CACNB4: variants seen among roughly 807,000 people sequenced by gnomAD.
The protein encoded by CACNB4 is voltage-dependent L-type calcium channel subunit beta-4.
A neutral mutation model predicts 71.2 loss-of-function variants in CACNB4; 32 were observed. That is an observed-to-expected ratio of 0.45 (90% CI 0.34 to 0.60). The LOEUF (loss-of-function observed/expected upper bound fraction) is 0.60, where lower values mean the gene tolerates loss of function less well. Ranked by LOEUF, CACNB4 falls within the 20% of genes least tolerant of loss-of-function variation. The pLI, the probability that CACNB4 is intolerant of heterozygous loss-of-function variation, is 0.01. For missense variants in CACNB4, 464 were observed against 647.9 expected (o/e 0.72, Z 3.08); for synonymous variants, 231 against 236.9 (o/e 0.97, Z 0.23).
At chr2:152,008,333 C>T (rs1682851488) in intron 2 of CACNB4, among the ~76,000 whole-genome samples, 1 of 152,086 alleles carries the variant, frequency 6.6e-6, no homozygotes, top group African/African-American at 2.4e-5. Flanking sequence ...GTCGCCCAGG[C>T]TGGAGTGCAG....
At chr2:152,066,908 A>G (rs1244289839) in intron 2 of CACNB4, among the ~76,000 whole-genome samples, 2 of 145,796 alleles carry the variant, frequency 1.4e-5, no homozygotes, top group Non-Finnish European at 3.0e-5. Flanking sequence ...AAAACCAAAC[A>G]CCGCATATTC....
chr2:151,843,178 T>G (rs1378552716), intron 12 of CACNB4, among the ~76,000 whole-genome samples: 1 of 152,216 alleles, frequency 6.6e-6, no homozygotes, highest in Admixed American at 6.5e-5. Context: ...GTGGCCCCCC[T>G]GTCATTGCAG....
chr2:151,928,384 G>A (rs1349745351), intron 2 of CACNB4, among the ~76,000 whole-genome samples: 2 of 152,120 alleles, frequency 1.3e-5, no homozygotes, highest in Non-Finnish European at 2.9e-5. Context: ...AGAACCAAAA[G>A]CAGCCCCATA....
intron 2 of CACNB4, among the ~76,000 whole-genome samples, chr2:152,063,797 C>G (rs569715092): frequency 5.9e-5 from 9 of 152,270 alleles, no homozygotes; most frequent in African/African-American, 2.2e-4. Context: ...AGGCAGCCAC[C>G]CATCAGCTCC....
chr2:151,949,199 C>CA (rs35693217), intron 2 of CACNB4, among the ~76,000 whole-genome samples: 2,572 of 143,464 alleles, frequency 0.018, 60 homozygotes, highest in African/African-American at 0.059. Flanking sequence ...AAATAGGTAA[C>CA]AAAAAAAAAA....
At chr2:152,051,072 T>A (rs993988453) in intron 2 of CACNB4, among the ~76,000 whole-genome samples, 10 of 151,806 alleles carry the variant, frequency 6.6e-5, no homozygotes, top group African/African-American at 2.2e-4. Flanking sequence ...CCAGCCCACA[T>A]CCACTTTTTC....
chr2:152,067,388 T>TGGG (rs56725916), intron 2 of CACNB4, among the ~76,000 whole-genome samples: 91 of 137,118 alleles, frequency 6.6e-4, no homozygotes, highest in African/African-American at 2.5e-3. Context: ...TGTGTGTGTG[T>TGGG]GGGGGGGGGG....
rs576185208 is a variant in CACNB4, at chr2:152,096,705, T to C, written c.147+1625A>G. On this transcript the variant is annotated intron_variant, in intron 2 of 13. Coordinates refer to ENST00000539935, the MANE Select transcript of CACNB4 (RefSeq NM_000726.5). Reference sequence around the variant, plus strand: ...TTTTAACATTTCTTAAGCCAGCACATAGCAGCACGCTTTACAAGAACTTAT... The same window carrying C: ...TTTTAACATTTCTTAAGCCAGCACACAGCAGCACGCTTTACAAGAACTTAT... 3.9e-4 allele frequency among the ~76,000 whole-genome samples: 60 copies of C among 152,334 alleles called. No homozygotes were observed. In the South Asian group the frequency reaches 7.5e-3, roughly 19 times the overall value.
chr2:152,039,254 TA>T (rs966877204), intron 2 of CACNB4, among the ~76,000 whole-genome samples: 20 of 151,858 alleles, frequency 1.3e-4, no homozygotes, highest in Admixed American at 1.1e-3. Context: ...CCATCTCTAC[TA>T]AAAATACAAA....
chr2:151,908,155 AGGAG>A (rs2151526068), intron 2 of CACNB4, among the ~76,000 whole-genome samples: 1 of 152,350 alleles, frequency 6.6e-6, no homozygotes, highest in Non-Finnish European at 1.5e-5. Flanking sequence ...CAAAGACGCC[AGGAG>A]GGAGTCTGAT....
intron 2 of CACNB4, among the ~76,000 whole-genome samples, chr2:151,938,920 T>G (rs2099863574): frequency 1.3e-5 from 2 of 152,196 alleles, no homozygotes; most frequent in African/African-American, 4.8e-5. Flanking sequence ...ATCAGGAAAT[T>G]TAAGTTCTAT....
chr2:151,940,809 G>A (rs1454433361), intron 2 of CACNB4, among the ~76,000 whole-genome samples: 1 of 152,188 alleles, frequency 6.6e-6, no homozygotes, highest in Non-Finnish European at 1.5e-5. Flanking sequence ...AGAGATGCAT[G>A]AATATATTGT....
At chr2:151,886,455 T>C (rs142950628) in intron 2 of CACNB4, among the ~76,000 whole-genome samples, 5 of 152,330 alleles carry the variant, frequency 3.3e-5, no homozygotes, top group African/African-American at 9.6e-5. Context: ...GATTCAATTA[T>C]CTCTGAGTAC....
chr2:152,029,954 G>T (rs1684190105), intron 2 of CACNB4, among the ~76,000 whole-genome samples: 1 of 152,180 alleles, frequency 6.6e-6, no homozygotes, highest in Non-Finnish European at 1.5e-5. Flanking sequence ...ACAGTATTTT[G>T]TTGTGGCATC....
intron 8 of CACNB4, 173 bp downstream of exon 8, chr2:151,870,358 A>G (rs2099844297): frequency 1.4e-6 from 1 of 707,492 alleles, no homozygotes; most frequent in Non-Finnish European, 2.6e-6. Context: ...GCAAGAGAGG[A>G]AAGAAAGGGC....
At chr2:151,950,012 C>A (rs2099866530) in intron 2 of CACNB4, among the ~76,000 whole-genome samples, 1 of 151,820 alleles carries the variant, frequency 6.6e-6, no homozygotes, top group African/African-American at 2.4e-5. Context: ...GGCATTCCAG[C>A]CTGGGCAACA....
rs138938706 is a variant in CACNB4, at chr2:151,942,203, T to C, written c.148-58833A>G. Among the ~76,000 whole-genome samples, 29 of 149,356 alleles carry C rather than the reference T, an allele frequency of 1.9e-4. 3 individuals are homozygous for C. The highest frequency in any genetic ancestry group is 7.2e-4 in the African/African-American group (28 of 38,720). On this transcript the variant is annotated intron_variant, in intron 2 of 13. Transcript: ENST00000539935. ...CTAGATAGATCTAGATCCATAGTTA[T>C]CTAGAACTGTGCTGTGTTGCAGGAA... is the stretch of plus-strand genomic sequence containing the variant.
intron 3 of CACNB4, among the ~76,000 whole-genome samples, chr2:151,882,134 C>CTCCCAAAGTGCT (rs1204743083): frequency 8.0e-5 from 12 of 150,502 alleles, no homozygotes; most frequent in Admixed American, 1.3e-4. Context: ...CCGCCTCGGC[C>CTCCCAAAGTGCT]TCCCAAAGTG....
At chr2:151,913,664 G>A (rs1483724828) in intron 2 of CACNB4, among the ~76,000 whole-genome samples, 1 of 151,088 alleles carries the variant, frequency 6.6e-6, no homozygotes, top group Non-Finnish European at 1.5e-5. Context: ...TACTCAGGAG[G>A]CTGAGGCAGG....
Sources: allele counts gnomAD v4.1 joint callset (sites outside exome capture counted in the v4.1 genomes callset), GRCh38; gene constraint gnomAD v4.1.1; transcripts MANE v1.5; gene names NCBI Gene and HGNC (gene_info 2026-07-23, HGNC 2026-07-21).